Variants in ADAM22 observed in about 807,000 individuals in gnomAD.
ADAM22 encodes the protein ADAM metallopeptidase domain 22, also known as disintegrin and metalloproteinase domain-containing protein 22.
In ADAM22, 65 loss-of-function variants were observed where a neutral mutation model predicts 144.6. The ratio of observed to expected loss-of-function variants is 0.45; its 90% CI spans 0.37 to 0.55. ADAM22 has a LOEUF of 0.55. Among genes scored for constraint, ADAM22 ranks in the 20% least tolerant of loss-of-function variants. The pLI is 0.00. For synonymous variants in ADAM22, 391 were observed against 412.6 expected, an observed-to-expected ratio of 0.95 and a Z score of 0.63; for missense variants, 974 against 1,184.9, an observed-to-expected ratio of 0.82 and a Z score of 2.61.
At chr7:88,102,347 T>C (rs1407663643) in intron 4 of ADAM22, among the ~76,000 whole-genome samples, 5 of 152,206 alleles carry the variant, frequency 3.3e-5, no homozygotes, top group Non-Finnish European at 7.3e-5. Context: ...TCAGTTGGTT[T>C]AGAAAGCCTA....
chr7:88,178,011 A>G (rs17150323), intron 26 of ADAM22, among the ~76,000 whole-genome samples: 19,117 of 152,170 alleles, frequency 0.13, 1,872 homozygotes, highest in East Asian at 0.48. Flanking sequence ...AGGCTACACT[A>G]CTGACAAATG....
chr7:87,959,329 G>T (rs1033433914), intron 2 of ADAM22, among the ~76,000 whole-genome samples: 1 of 152,150 alleles, frequency 6.6e-6, no homozygotes, highest in African/African-American at 2.4e-5. Flanking sequence ...TAAAGCTGTA[G>T]CTGGGCGTTT....
At chr7:88,003,061 A>T (rs1179991728) in intron 3 of ADAM22, among the ~76,000 whole-genome samples, 1 of 152,254 alleles carries the variant, frequency 6.6e-6, no homozygotes, top group Non-Finnish European at 1.5e-5. Flanking sequence ...TCAGAATAAA[A>T]AGAGTTGAAG....
chr7:88,076,351 T>G (rs1814498220), intron 4 of ADAM22, among the ~76,000 whole-genome samples: 1 of 152,148 alleles, frequency 6.6e-6, no homozygotes, highest in Non-Finnish European at 1.5e-5. Flanking sequence ...CCCAGTGACT[T>G]TTACACCAAC....
intron 3 of ADAM22, among the ~76,000 whole-genome samples, chr7:88,041,698 C>T (rs930300788): frequency 6.6e-6 from 1 of 151,872 alleles, no homozygotes; most frequent in Non-Finnish European, 1.5e-5. Flanking sequence ...TTTTCCCTAG[C>T]CCAGGTAAAG....
At chr7:88,122,801 A>G (rs1829615223) in intron 7 of ADAM22, among the ~76,000 whole-genome samples, 1 of 152,208 alleles carries the variant, frequency 6.6e-6, no homozygotes, top group African/African-American at 2.4e-5. Context: ...TGCTGGGCAA[A>G]TGTTGACCCT....
At position 88,185,758 on chromosome 7, in the gene ADAM22, A is replaced by T. The variant is rs557684636; in HGVS notation, c.2664-857A>T. ...ATTTTTTTACCTTTAAAATTTGCAC[A>T]GTAATTCTGATGGAAACATTGCCAG... is the stretch of plus-strand genomic sequence containing the variant. On this transcript the variant is annotated intron_variant, in intron 29 of 31. Transcript: ENST00000413139. 10 of 152,334 alleles carry T rather than the reference A, an allele frequency of 6.6e-5. No individual in the cohort carries two copies. The South Asian group carries it at 2.1e-3, about 32-fold the overall frequency. The allele number at this position is 152,334 out of a possible 1,614,324, so 9.4% of individuals were successfully genotyped here. A position where few individuals can be genotyped will look rare whatever the true frequency, so the allele number is the denominator to read the frequency against.
At chr7:88,064,560 A>C (rs1810707234) in intron 3 of ADAM22, among the ~76,000 whole-genome samples, 1 of 152,152 alleles carries the variant, frequency 6.6e-6, no homozygotes, top group African/African-American at 2.4e-5. Flanking sequence ...AGATCAAGGC[A>C]CTGGCAGATT....
At chr7:87,961,421 A>G (rs1320576795) in intron 2 of ADAM22, among the ~76,000 whole-genome samples, 1 of 152,206 alleles carries the variant, frequency 6.6e-6, no homozygotes, top group African/African-American at 2.4e-5. Flanking sequence ...GGATTATCCC[A>G]CCAAGGAAGA....
chr7:88,121,338 G>A (rs1205662529), intron 7 of ADAM22, among the ~76,000 whole-genome samples: 1 of 152,016 alleles, frequency 6.6e-6, no homozygotes, highest in African/African-American at 2.4e-5. Flanking sequence ...CATATTATTA[G>A]TAGTGAGACT....
intron 20 of ADAM22, 69 bp downstream of exon 20, chr7:88,151,389 G>A (rs12533109): frequency 1.1e-5 from 17 of 1,569,484 alleles, no homozygotes; most frequent in Non-Finnish European, 1.5e-5. Context: ...GGACGTGTGT[G>A]CTGGAAGTAA....
At chr7:87,968,362 T>C (rs1427893928) in intron 2 of ADAM22, among the ~76,000 whole-genome samples, 2 of 152,158 alleles carry the variant, frequency 1.3e-5, no homozygotes, top group Admixed American at 1.3e-4. Flanking sequence ...GCATAGGCAC[T>C]AGTATTTTTT....
intron 3 of ADAM22, among the ~76,000 whole-genome samples, chr7:88,003,998 A>C (rs1309854241): frequency 6.6e-6 from 1 of 152,214 alleles, no homozygotes; most frequent in Non-Finnish European, 1.5e-5. Context: ...AGGATCTCAA[A>C]AGAAAGATAT....
chr7:88,027,166 A>T (rs541617293), intron 3 of ADAM22, among the ~76,000 whole-genome samples: 34 of 152,216 alleles, frequency 2.2e-4, no homozygotes, highest in African/African-American at 7.9e-4. Flanking sequence ...CTCAATGTTC[A>T]TCAGGGACGT....
At chr7:88,065,818 A>G (rs958959076) in intron 3 of ADAM22, among the ~76,000 whole-genome samples, 1 of 152,156 alleles carries the variant, frequency 6.6e-6, no homozygotes, top group African/African-American at 2.4e-5. Context: ...TATTCCTTAA[A>G]TTCTTAGAAA....
At chr7:88,079,680 T>A (rs1416549184) in intron 4 of ADAM22, among the ~76,000 whole-genome samples, 1 of 151,848 alleles carries the variant, frequency 6.6e-6, no homozygotes, top group Non-Finnish European at 1.5e-5. Context: ...AAACAAAAAA[T>A]GGCAGGGGTT....
intron 2 of ADAM22, among the ~76,000 whole-genome samples, chr7:87,958,566 A>T (rs554627225): frequency 2.0e-5 from 3 of 151,932 alleles, no homozygotes; most frequent in African/African-American, 7.2e-5. Context: ...TTGTATTTTT[A>T]GTAGAGATGG....
intron 4 of ADAM22, among the ~76,000 whole-genome samples, chr7:88,082,662 CA>C (rs1184396294): frequency 6.6e-6 from 1 of 151,754 alleles, no homozygotes; most frequent in Non-Finnish European, 1.5e-5. Flanking sequence ...ACAACCCCAT[CA>C]AAAAGTTTGC....
At chr7:88,085,740 C>T (rs1000642795) in intron 4 of ADAM22, among the ~76,000 whole-genome samples, 1 of 152,192 alleles carries the variant, frequency 6.6e-6, no homozygotes, top group Non-Finnish European at 1.5e-5. Context: ...TTATTTGCTG[C>T]ATCCCAAGCC....
Sources: gnomAD v4.1 joint callset for allele counts (sites outside exome capture counted in the v4.1 genomes callset) on GRCh38, gnomAD v4.1.1 for gene constraint, MANE v1.5 for transcripts, NCBI Gene and HGNC (gene_info 2026-07-23, HGNC 2026-07-21) for gene names.